Variants in IL23R observed in about 807,000 individuals in gnomAD.
IL23R encodes interleukin 23 receptor.
Under a neutral mutation model 56.9 loss-of-function variants are expected in IL23R, and 34 were observed. That is an observed-to-expected ratio of 0.60 (90% confidence interval 0.45 to 0.80). The LOEUF is 0.80. IL23R is among the 30% of genes least tolerant of loss of function. The probability of loss-of-function intolerance (pLI) is 0.00; values close to 1 mark genes in which losing one functional copy is unlikely to be tolerated. For missense variants in IL23R, 635 were observed against 730.0 expected, an observed-to-expected ratio of 0.87 and a Z score of 1.50; for synonymous variants, 230 against 249.2, an observed-to-expected ratio of 0.92 and a Z score of 0.73.
intron 6 of IL23R, among the ~76,000 whole-genome samples, chr1:67,216,663 TC>T (rs1298350817): frequency 6.6e-6 from 1 of 152,190 alleles, no homozygotes; most frequent in Non-Finnish European, 1.5e-5. Flanking sequence ...TTTCCATACA[TC>T]ATGAAATAGT....
rs867753337 is a variant in IL23R at position 67,155,883 on chromosome 1, G to T, written c.-633-12209G>T. Among the ~76,000 whole-genome samples, 20 of 152,198 alleles carry T rather than the reference G, an allele frequency of 1.3e-4. 1 individual carries two copies. The highest frequency in any genetic ancestry group is 2.9e-5 in the Non-Finnish European group (2 of 68,034). Reference sequence around the variant, plus strand: ...AAGATAAGAGGCATTCTGGCTTTTGGAAGAGTCAGTGTTTTTGCACAGGTT... The same window carrying T: ...AAGATAAGAGGCATTCTGGCTTTTGTAAGAGTCAGTGTTTTTGCACAGGTT... On this transcript the variant is annotated intron_variant, in intron 1 of 10. Transcript: ENST00000637002.
At chr1:67,186,655 A>G (rs1348817529) in intron 4 of IL23R, among the ~76,000 whole-genome samples, 1 of 152,086 alleles carries the variant, frequency 6.6e-6, no homozygotes, top group East Asian at 1.9e-4. Flanking sequence ...ATGGTGTAAC[A>G]TGTATCAGGC....
At chr1:67,168,383 C>G (rs1163667974) in intron 2 of IL23R, among the ~76,000 whole-genome samples, 193 bp downstream of exon 2, 2 of 152,166 alleles carry the variant, frequency 1.3e-5, no homozygotes, top group Non-Finnish European at 2.9e-5. Flanking sequence ...GGATTTCTTT[C>G]TCAAATTTCC....
chr1:67,185,729 G>A (rs12565567), intron 4 of IL23R, among the ~76,000 whole-genome samples: 4,007 of 152,182 alleles, frequency 0.026, 63 homozygotes, highest in Middle Eastern at 0.041. Flanking sequence ...CAGGCCTAGA[G>A]TTACCAGCTA....
intron 10 of IL23R, among the ~76,000 whole-genome samples, chr1:67,257,790 G>A (rs1257742249): frequency 1.3e-5 from 2 of 152,116 alleles, no homozygotes; most frequent in African/African-American, 4.8e-5. Context: ...TGCAACCTCC[G>A]CCTCCCGGGC....
At chr1:67,195,262 A>C (rs1260291707) in intron 4 of IL23R, among the ~76,000 whole-genome samples, 1 of 152,112 alleles carries the variant, frequency 6.6e-6, no homozygotes, top group Non-Finnish European at 1.5e-5. Flanking sequence ...CAAACTCCTG[A>C]CCTCAAGTGA....
chr1:67,221,217 A>G (rs1423831908), intron 7 of IL23R, among the ~76,000 whole-genome samples: 3 of 151,802 alleles, frequency 2.0e-5, no homozygotes, highest in Non-Finnish European at 4.4e-5. Flanking sequence ...GCTATTCAGG[A>G]GTCTGAGGCA....
At chr1:67,180,421 A>T (rs6630256) in intron 3 of IL23R, among the ~76,000 whole-genome samples, 1 of 151,802 alleles carries the variant, frequency 6.6e-6, no homozygotes, top group Admixed American at 6.6e-5. Context: ...AGTCTGTTTT[A>T]TCAGAGACTA....
chr1:67,141,366 A>G (rs556717026), intron 1 of IL23R, among the ~76,000 whole-genome samples: 1 of 152,300 alleles, frequency 6.6e-6, no homozygotes, highest in Non-Finnish European at 1.5e-5. Flanking sequence ...AAACACTTCA[A>G]CATGGCCAAA....
At chr1:67,233,917 C>T (rs763748549) in intron 7 of IL23R, among the ~76,000 whole-genome samples, 18 of 133,746 alleles carry the variant, frequency 1.3e-4, no homozygotes, top group South Asian at 2.5e-4. Flanking sequence ...AAACAGTTTC[C>T]AGTCATAAAG....
intron 5 of IL23R, among the ~76,000 whole-genome samples, chr1:67,201,728 C>T (rs1404766566): frequency 1.3e-5 from 2 of 151,998 alleles, no homozygotes; most frequent in East Asian, 1.9e-4. Flanking sequence ...TAGAAAATTG[C>T]AGAGAATTAT....
chr1:67,214,655 T>C (rs1304405185), intron 6 of IL23R, among the ~76,000 whole-genome samples: 1 of 152,242 alleles, frequency 6.6e-6, no homozygotes, highest in African/African-American at 2.4e-5. Flanking sequence ...AATTCCTTTC[T>C]ATTTTCTAAA....
At chr1:67,230,325 A>G (rs916792353) in intron 7 of IL23R, among the ~76,000 whole-genome samples, 1 of 152,220 alleles carries the variant, frequency 6.6e-6, no homozygotes, top group Non-Finnish European at 1.5e-5. Context: ...CTGGGCAAAT[A>G]AAACATGGCA....
At chr1:67,148,577 G>A (rs141964481) in intron 1 of IL23R, among the ~76,000 whole-genome samples, 1 of 152,334 alleles carries the variant, frequency 6.6e-6, no homozygotes, top group African/African-American at 2.4e-5. Context: ...TCCACAGCTA[G>A]GCTTAGGAAT....
chr1:67,215,404 G>C (rs1649768330), intron 6 of IL23R, among the ~76,000 whole-genome samples: 2 of 152,210 alleles, frequency 1.3e-5, no homozygotes, highest in South Asian at 4.2e-4. Flanking sequence ...CATGTCTCCT[G>C]GTCCTCTTTC....
chr1:67,178,365 A>T (rs1647040930), intron 3 of IL23R, among the ~76,000 whole-genome samples: 1 of 152,004 alleles, frequency 6.6e-6, no homozygotes, highest in African/African-American at 2.4e-5. Context: ...TAGGTATTTT[A>T]TTCTCTTTGA....
chr1:67,178,496 T>A (rs1318936629), intron 3 of IL23R, among the ~76,000 whole-genome samples: 5 of 152,244 alleles, frequency 3.3e-5, no homozygotes, highest in Non-Finnish European at 7.3e-5. Flanking sequence ...TAAAGTTGCC[T>A]ATCAGCTTAA....
At chr1:67,164,231 C>G (rs539090763), upstream of IL23R, among the ~76,000 whole-genome samples, 28 of 152,330 alleles carry the variant, frequency 1.8e-4, 1 homozygote, top group East Asian at 5.2e-3. Context: ...CACGGTGACT[C>G]ACGCCTGTAA....
At chr1:67,214,889 C>T (rs541092764) in intron 6 of IL23R, among the ~76,000 whole-genome samples, 27 of 152,300 alleles carry the variant, frequency 1.8e-4, no homozygotes, top group African/African-American at 6.5e-4. Context: ...TGGCCAAAAC[C>T]CAGTAGTTAA....
Sources: allele counts gnomAD v4.1 joint callset (sites outside exome capture counted in the v4.1 genomes callset), GRCh38; gene constraint gnomAD v4.1.1; transcripts MANE v1.5; gene names NCBI Gene and HGNC (gene_info 2026-07-23, HGNC 2026-07-21).